The following UBE2D2 variants were observed in gnomAD, a reference collection of about 807,000 sequenced individuals.
UBE2D2 encodes the protein ubiquitin-conjugating enzyme E2 D2.
A neutral mutation model predicts 24.2 loss-of-function variants in UBE2D2; 2 were observed. The ratio of observed to expected loss-of-function variants is 0.08; its 90% CI spans 0.03 to 0.26. The LOEUF is 0.26. UBE2D2 is among the 10% of genes least tolerant of loss of function. The pLI is 1.00. For synonymous variants in UBE2D2, 58 were observed against 56.5 expected (o/e 1.03, Z -0.12); for missense variants, 44 against 177.6 (o/e 0.25, Z 4.28).
chr5:139,567,322 A>C (rs1047237744), intron 1 of UBE2D2, among the ~76,000 whole-genome samples: 1 of 151,672 alleles, frequency 6.6e-6, no homozygotes, highest in South Asian at 2.1e-4. Context: ...CTGGTCTCGA[A>C]CTCCTGACCT....
At chr5:139,594,093 C>T (rs1048121111) in intron 1 of UBE2D2, among the ~76,000 whole-genome samples, 1 of 152,196 alleles carries the variant, frequency 6.6e-6, no homozygotes, top group African/African-American at 2.4e-5. Flanking sequence ...GTTCCTTTCA[C>T]CTTACACCAT....
upstream of UBE2D2, among the ~76,000 whole-genome samples, chr5:139,559,763 C>T (rs2126644079): frequency 6.6e-6 from 1 of 152,164 alleles, no homozygotes; most frequent in East Asian, 1.9e-4. Context: ...CTGGATGTAG[C>T]GAAAAGGAGA....
At position 139,537,702 on chromosome 5, in the gene UBE2D2, C is replaced by T. The variant is rs1478467784; in HGVS notation, c.-64+11090C>T. ...TTTTCTGGCCAGGCGTGGTAGCTCA[C>T]GCCTGTAATCCCAGCACTTTGGGAG... On this transcript the variant is annotated intron_variant, in intron 1 of 6. Coordinates refer to the UBE2D2 transcript ENST00000511725. Among the ~76,000 whole-genome samples, 8 of 151,732 alleles carry T rather than the reference C, an allele frequency of 5.3e-5. No individual in the cohort carries two copies. The South Asian group carries it at 8.3e-4, about 16-fold the overall frequency.
At chr5:139,616,123 C>T (rs1020451390) in intron 5 of UBE2D2, among the ~76,000 whole-genome samples, 5 of 150,098 alleles carry the variant, frequency 3.3e-5, no homozygotes, top group African/African-American at 7.3e-5. Flanking sequence ...CATGAGCCAC[C>T]GTGCCCAGCC....
At chr5:139,593,807 A>T (rs888656361) in intron 1 of UBE2D2, among the ~76,000 whole-genome samples, 1 of 152,048 alleles carries the variant, frequency 6.6e-6, no homozygotes, top group Non-Finnish European at 1.5e-5. Flanking sequence ...GTGGAGATAG[A>T]GTCTTACTGT....
intron 1 of UBE2D2, among the ~76,000 whole-genome samples, chr5:139,586,144 A>AT (rs1753721357): frequency 6.6e-6 from 1 of 151,988 alleles, no homozygotes; most frequent in South Asian, 2.1e-4. Context: ...TTTTAAAACC[A>AT]TAACTGCTGT....
chr5:139,590,857 C>T (rs1753832682), intron 1 of UBE2D2, among the ~76,000 whole-genome samples: 4 of 131,150 alleles, frequency 3.0e-5, no homozygotes, highest in Non-Finnish European at 6.2e-5. Flanking sequence ...TGCAGTGGCG[C>T]GATCTTGGCT....
At chr5:139,569,209 A>AT (rs199889127) in intron 1 of UBE2D2, among the ~76,000 whole-genome samples, 6 of 151,698 alleles carry the variant, frequency 4.0e-5, no homozygotes, top group East Asian at 3.9e-4. Context: ...AGTTCTGGGA[A>AT]TTTTTTTTTC....
At chr5:139,621,221 C>T (rs746143727) in intron 5 of UBE2D2, among the ~76,000 whole-genome samples, 6 of 152,092 alleles carry the variant, frequency 3.9e-5, no homozygotes, top group Admixed American at 3.3e-4. Flanking sequence ...CCAGCCTGGG[C>T]GACAGAGTGA....
intron 1 of UBE2D2, among the ~76,000 whole-genome samples, chr5:139,549,758 C>T (rs566381439): frequency 7.2e-5 from 11 of 152,232 alleles, no homozygotes; most frequent in African/African-American, 2.7e-4. Flanking sequence ...GCGGGCAACT[C>T]CGCCCCGGCC....
rs574251168 is a variant in UBE2D2, at chr5:139,590,987, G to T, written c.25-9385G>T. Among the ~76,000 whole-genome samples the T allele has an allele frequency of 3.3e-5, 5 of 150,792 alleles. No homozygotes were observed. In the East Asian group the frequency reaches 5.9e-4, roughly 18 times the overall value. ...TTATGCATTTTTAGTAGAGAGGGGGGCGTTTCTCCATGCTGGTCAGGCTGG... is the reference window on the plus strand; with the variant it reads ...TTATGCATTTTTAGTAGAGAGGGGGTCGTTTCTCCATGCTGGTCAGGCTGG... On this transcript the variant is annotated intron_variant, in intron 1 of 6. Coordinates refer to ENST00000398733, the MANE Select transcript of UBE2D2 (RefSeq NM_003339.3).
chr5:139,627,164 T>C lies in UBE2D2; in HGVS notation c.*363T>C, dbSNP rs1754650969. On this transcript the variant is annotated 3_prime_UTR_variant, in exon 7 of 7. Coordinates refer to ENST00000398733, the MANE Select transcript of UBE2D2 (RefSeq NM_003339.3). ...TTGGATGGGAAAGAAAAGGCTCCAC[T>C]CACCTATAGGAGATTATTTTTAAGT... 4.9e-6 allele frequency: 1 copy of C among 204,828 alleles called. No homozygotes were observed. The highest frequency in any genetic ancestry group is 2.3e-5 in the African/African-American group (1 of 42,582). The allele number at this position is 204,828 out of a possible 1,614,324, so 12.7% of individuals were successfully genotyped here.
At chr5:139,603,623 GAAAA>G (rs1169340176) in intron 2 of UBE2D2, among the ~76,000 whole-genome samples, 1 of 37,230 alleles carries the variant, frequency 2.7e-5, no homozygotes, top group Admixed American at 4.1e-4. Context: ...CTCTGTCTCC[GAAAA>G]AAAAAAAAAA....
chr5:139,593,750 T>TACAG (rs1468778320), intron 1 of UBE2D2, among the ~76,000 whole-genome samples: 1 of 152,110 alleles, frequency 6.6e-6, no homozygotes, highest in East Asian at 1.9e-4. Flanking sequence ...TAGCTAGGAC[T>TACAG]ACAGGCTCTC....
chr5:139,549,722 G>A (rs1263068838), intron 1 of UBE2D2, among the ~76,000 whole-genome samples: 1 of 152,244 alleles, frequency 6.6e-6, no homozygotes, highest in Non-Finnish European at 1.5e-5. Flanking sequence ...AAGGGCTGAG[G>A]AGTGCAGCTG....
chr5:139,549,437 G>C (rs867229343), intron 1 of UBE2D2, among the ~76,000 whole-genome samples: 5 of 152,218 alleles, frequency 3.3e-5, no homozygotes, highest in Admixed American at 6.5e-5. Context: ...CCCGCACTCC[G>C]AGCGGCCGGC....
At chr5:139,549,023 T>C (rs549927219) in intron 1 of UBE2D2, among the ~76,000 whole-genome samples, 2 of 152,210 alleles carry the variant, frequency 1.3e-5, no homozygotes, top group East Asian at 1.9e-4. Flanking sequence ...TAATTTTTTG[T>C]ATTTTTAGTA....
chr5:139,535,254 G>A (rs987621120), intron 1 of UBE2D2, among the ~76,000 whole-genome samples: 2 of 150,454 alleles, frequency 1.3e-5, no homozygotes, highest in African/African-American at 2.5e-5. Flanking sequence ...AGACCAGCCC[G>A]GCCAAGATGG....
intron 1 of UBE2D2, among the ~76,000 whole-genome samples, chr5:139,549,657 C>T (rs1354195053): frequency 4.6e-5 from 7 of 152,246 alleles, no homozygotes; most frequent in Non-Finnish European, 1.0e-4. Flanking sequence ...GGGCTGGAGA[C>T]TCCCCGACGG....
Sources: gnomAD v4.1 joint callset for allele counts (sites outside exome capture counted in the v4.1 genomes callset) on GRCh38, gnomAD v4.1.1 for gene constraint, MANE v1.5 for transcripts, NCBI Gene and HGNC (gene_info 2026-07-23, HGNC 2026-07-21) for gene names.